SPIDR: variants seen among roughly 807,000 people sequenced by gnomAD.
The protein encoded by SPIDR is DNA repair-scaffolding protein.
SPIDR carries 93 observed loss-of-function variants against 104.6 expected under a neutral mutation model. That is an observed-to-expected ratio of 0.89 (90% CI 0.75 to 1.06). SPIDR has a LOEUF of 1.06. SPIDR is among the 50% of genes least tolerant of loss of function. The pLI, the probability that SPIDR is intolerant of heterozygous loss-of-function variation, is 0.00. For missense variants in SPIDR, 1,154 were observed against 1,111.2 expected, an observed-to-expected ratio of 1.04 and a Z score of -0.55; for synonymous variants, 431 against 416.9, an observed-to-expected ratio of 1.03 and a Z score of -0.41.
Position 47,279,863 on chromosome 8 carries a change from GA to G in SPIDR, c.40del (p.Arg14GlyfsTer52). 3 of 1,605,228 alleles carry G rather than the reference GA, an allele frequency of 1.9e-6. No individual in the cohort carries two copies. Among genetic ancestry groups the G allele is most frequent in the East Asian group, 2.2e-5 (1 of 44,758 alleles). ...TTCTTTTAAAAATCATCTCCACAGA[GA>G]AAAAGGAGTTGGAATACAGAATGCC... ...PRGSRARGSKRKRSWNTECPS... is the reference protein window; with the variant it reads ...PRGSRARGSKXKRSWNTECPS... On this transcript the variant is annotated frameshift_variant and splice_region_variant, in exon 2 of 20. Coordinates refer to ENST00000297423, the MANE Select transcript of SPIDR (RefSeq NM_001080394.4). LOFTEE classifies it high-confidence loss of function.
At chr8:47,294,698 G>T (rs1020620289) in intron 5 of SPIDR, among the ~76,000 whole-genome samples, 2 of 152,218 alleles carry the variant, frequency 1.3e-5, no homozygotes, top group Admixed American at 1.3e-4. Flanking sequence ...TGGTGCGATC[G>T]TAGCTCACTG....
At chr8:47,626,138 A>G (rs2066058800) in intron 10 of SPIDR, among the ~76,000 whole-genome samples, 1 of 152,206 alleles carries the variant, frequency 6.6e-6, no homozygotes, top group South Asian at 2.1e-4. Flanking sequence ...GCAATGGGGA[A>G]AGGATTCCCT....
intron 5 of SPIDR, among the ~76,000 whole-genome samples, chr8:47,349,713 GT>G (rs2053034671): frequency 6.6e-6 from 1 of 152,250 alleles, no homozygotes; most frequent in South Asian, 2.1e-4. Context: ...CCACCTCGCA[GT>G]TCTATCTCGG....
rs576219674 is a variant in SPIDR at position 47,265,939 on chromosome 8, GTAACTTCTAATCA to G, written c.33+4949_33+4961del. 2.3e-3 allele frequency among the ~76,000 whole-genome samples: 348 copies of G among 152,018 alleles called. 5 individuals are homozygous for G. The highest frequency in any genetic ancestry group is 1.2e-3 in the East Asian group (6 of 5,154). On this transcript the variant is annotated intron_variant, in intron 1 of 19. Transcript: ENST00000297423. ...TCTCTTTTATAAGGGCATCAATCCC[GTAACTTCTAATCA>G]CCTGCCAAAGGCCCCACCTCCTAAT...
At chr8:47,295,674 A>G (rs2040713348) in intron 5 of SPIDR, among the ~76,000 whole-genome samples, 2 of 152,142 alleles carry the variant, frequency 1.3e-5, no homozygotes, top group Non-Finnish European at 2.9e-5. Flanking sequence ...TGGTGTATAT[A>G]TACTATATTT....
intron 10 of SPIDR, among the ~76,000 whole-genome samples, chr8:47,642,339 C>A (rs922338447): frequency 2.0e-5 from 3 of 151,672 alleles, no homozygotes; most frequent in Non-Finnish European, 4.4e-5. Flanking sequence ...TGGTGTGAAC[C>A]CAGGAGGTGG....
At position 47,434,676 on chromosome 8, in the gene SPIDR, G is replaced by A. The variant is rs577705011; in HGVS notation, c.878-5647G>A. On this transcript the variant is annotated intron_variant, in intron 7 of 19. Transcript: ENST00000297423. ...CTCCCCTCATACTAACTTGCTTCAC[G>A]GAGAATAATTTCAGTATCTCTCCCC... 9.2e-5 allele frequency among the ~76,000 whole-genome samples: 14 copies of A among 151,936 alleles called. No homozygotes were observed. In the South Asian group the frequency reaches 1.2e-3, roughly 14 times the overall value.
chr8:47,443,858 A>T (rs115986487), intron 8 of SPIDR, among the ~76,000 whole-genome samples: 4 of 151,982 alleles, frequency 2.6e-5, no homozygotes, highest in African/African-American at 9.7e-5. Context: ...GCTTACCCCG[A>T]GGAGCTCAGA....
At chr8:47,667,501 A>G (rs1463348829) in intron 10 of SPIDR, among the ~76,000 whole-genome samples, 2 of 151,644 alleles carry the variant, frequency 1.3e-5, no homozygotes, top group Non-Finnish European at 2.9e-5. Flanking sequence ...AGTCCTAGCT[A>G]CTCAGGAGGC....
intron 7 of SPIDR, among the ~76,000 whole-genome samples, chr8:47,412,366 T>G (rs1312154004): frequency 6.6e-6 from 1 of 152,200 alleles, no homozygotes; most frequent in Non-Finnish European, 1.5e-5. Context: ...AAAAAAGAAT[T>G]TAATGGGACT....
intron 10 of SPIDR, among the ~76,000 whole-genome samples, chr8:47,637,867 A>G (rs1005830000): frequency 6.6e-6 from 1 of 152,180 alleles, no homozygotes; most frequent in Non-Finnish European, 1.5e-5. Context: ...CACCTAAGGA[A>G]CAGAGAGCTC....
chr8:47,673,591 C>T (rs375489774), intron 10 of SPIDR: 28 of 626,320 alleles, frequency 4.5e-5, no homozygotes, highest in Non-Finnish European at 5.8e-5. Flanking sequence ...TTGAATTCAA[C>T]GTTTTTTTAA....
In SPIDR at chr8:47,284,026, A is replaced by G; in HGVS notation, c.190-2A>G. ...ATTCCATGATTATTATTTTGCCTACAGTCATTAACAGCTGAAGAGAAGACG... is the reference window on the plus strand; with the variant it reads ...ATTCCATGATTATTATTTTGCCTACGGTCATTAACAGCTGAAGAGAAGACG... On this transcript the variant is annotated splice_acceptor_variant, in intron 2 of 19. Transcript: ENST00000297423. LOFTEE classifies it high-confidence loss of function. 2 of 1,604,442 alleles carry G rather than the reference A, an allele frequency of 1.2e-6. No individual in the cohort carries two copies. The highest frequency in any genetic ancestry group is 1.7e-6 in the Non-Finnish European group (2 of 1,176,004).
At chr8:47,633,960 G>T (rs140571343) in intron 10 of SPIDR, among the ~76,000 whole-genome samples, 17 of 152,152 alleles carry the variant, frequency 1.1e-4, no homozygotes, top group Middle Eastern at 3.4e-3. Flanking sequence ...TGAGTGTGGT[G>T]GTGCATGCCA....
intron 8 of SPIDR, among the ~76,000 whole-genome samples, chr8:47,502,732 G>A (rs369034359): frequency 5.3e-5 from 8 of 152,128 alleles, no homozygotes; most frequent in Non-Finnish European, 7.4e-5. Context: ...TGATGTTAGG[G>A]TGTCAATTTT....
chr8:47,422,643 T>C (rs9785094), intron 7 of SPIDR, among the ~76,000 whole-genome samples: 8,898 of 152,258 alleles, frequency 0.058, 852 homozygotes, highest in African/African-American at 0.2. Flanking sequence ...CCATCCCCAG[T>C]GAGGTGAACC....
intron 19 of SPIDR, among the ~76,000 whole-genome samples, chr8:47,734,277 G>A (rs1410913159): frequency 6.6e-6 from 1 of 152,132 alleles, no homozygotes; most frequent in African/African-American, 2.4e-5. Flanking sequence ...CTGACCAGGC[G>A]TGGAACATCA....
At chr8:47,280,766 G>A (rs1293911930) in intron 2 of SPIDR, among the ~76,000 whole-genome samples, 1 of 152,104 alleles carries the variant, frequency 6.6e-6, no homozygotes, top group African/African-American at 2.4e-5. Context: ...TCTAACCCCT[G>A]GCTGCAAGTG....
chr8:47,329,381 A>AT (rs1306204723), intron 5 of SPIDR, among the ~76,000 whole-genome samples: 3 of 151,782 alleles, frequency 2.0e-5, no homozygotes, highest in Non-Finnish European at 4.4e-5. Context: ...CAATTTTTGT[A>AT]TTTTTTTGTA....
Sources: gnomAD v4.1 joint callset for allele counts (sites outside exome capture counted in the v4.1 genomes callset) on GRCh38, gnomAD v4.1.1 for gene constraint, MANE v1.5 for transcripts, NCBI Gene and HGNC (gene_info 2026-07-23, HGNC 2026-07-21) for gene names.